The following COL12A1 variants were observed in gnomAD, a reference collection of about 807,000 sequenced individuals.
COL12A1 encodes collagen type XII alpha 1 chain.
COL12A1 carries 114 observed loss-of-function variants against 349.7 expected under a neutral mutation model. The observed-to-expected ratio is 0.33, with a 90% CI of 0.28 to 0.38. The LOEUF is 0.38. Among genes scored for constraint, COL12A1 ranks in the 10% least tolerant of loss-of-function variants. COL12A1 has a pLI of 1.00. For synonymous variants in COL12A1, 1,369 were observed against 1,329.0 expected (o/e 1.03, Z -0.66); for missense variants, 3,284 against 3,756.9 (o/e 0.87, Z 3.29).
At chr6:75,193,007 A>G (rs540688935) in intron 3 of COL12A1, among the ~76,000 whole-genome samples, 9 of 152,298 alleles carry the variant, frequency 5.9e-5, no homozygotes, top group African/African-American at 1.9e-4. Context: ...TTCAATCAGG[A>G]AACCTGGTGG....
intron 27 of COL12A1, among the ~76,000 whole-genome samples, chr6:75,141,201 G>GT (rs1229925313): frequency 8.5e-5 from 13 of 152,062 alleles, no homozygotes; most frequent in Admixed American, 1.3e-4. Context: ...AGGCCTCAAT[G>GT]TTTTTTTTAC....
chr6:75,131,885 C>G (rs1562183144), intron 35 of COL12A1, 55 bp downstream of exon 35: 1 of 1,595,042 alleles, frequency 6.3e-7, no homozygotes, highest in Non-Finnish European at 8.6e-7. Flanking sequence ...AAACGTGACA[C>G]AAACATGTGA....
At chr6:75,153,973 T>C (rs777686852) in intron 17 of COL12A1, among the ~76,000 whole-genome samples, 2 of 152,020 alleles carry the variant, frequency 1.3e-5, no homozygotes, top group African/African-American at 2.4e-5. Flanking sequence ...CGGTACAATA[T>C]CTACATTTAG....
chr6:75,141,986 G>A (rs916649017), intron 27 of COL12A1, 46 bp downstream of exon 27: 1 of 1,610,290 alleles, frequency 6.2e-7, no homozygotes. Flanking sequence ...ACACATGCAT[G>A]TAAAGTGTTG....
At chr6:75,194,412 G>A (rs976983422) in intron 3 of COL12A1, among the ~76,000 whole-genome samples, 1 of 152,090 alleles carries the variant, frequency 6.6e-6, no homozygotes, top group African/African-American at 2.4e-5. Context: ...ATCACAGAAT[G>A]GTGTTTCCTG....
At chr6:75,116,232 A>C (rs1582074296) in intron 47 of COL12A1, among the ~76,000 whole-genome samples, 175 bp from the exon 48 acceptor site, 1 of 152,308 alleles carries the variant, frequency 6.6e-6, no homozygotes, top group Middle Eastern at 3.4e-3. Context: ...TACGTGTAGG[A>C]GAAATACTAT....
chr6:75,109,101 CT>C lies in COL12A1; in HGVS notation c.8016del (p.Asp2673ThrfsTer8). On this transcript the variant is annotated frameshift_variant, in exon 52 of 66. Transcript: ENST00000322507. LOFTEE classifies it high-confidence loss of function. ...IYIDCYEIIEKDIKEAGNITT... is the reference protein window; with the variant it reads ...IYIDCYEIIEXDIKEAGNITT... ...GTTATATTTCCAGCTTCCTTGATGTCTTTTTCTATAATTTCATAGCAGTCAA... is the reference window on the plus strand; with the variant it reads ...GTTATATTTCCAGCTTCCTTGATGTCTTTTCTATAATTTCATAGCAGTCAA... 1 of 1,610,374 alleles carries C rather than the reference CT, an allele frequency of 6.2e-7. No homozygotes were observed. The highest frequency in any genetic ancestry group is 1.1e-5 in the South Asian group (1 of 90,830).
rs78601775 is a variant in COL12A1 at position 75,200,524 on chromosome 6, G to A, written c.73+2196C>T. Among the ~76,000 whole-genome samples the A allele has an allele frequency of 1.0e-3, 159 of 152,250 alleles. 3 individuals carry two copies. The East Asian group carries it at 0.027, about 26-fold the overall frequency. On this transcript the variant is annotated intron_variant, in intron 2 of 65. Coordinates refer to ENST00000322507, the MANE Select transcript of COL12A1 (RefSeq NM_004370.6). ...GGAGGCGGAGGCTGCAGTGAGCCGAGATCAAGCCACTACACTCCAGCCTGG... is the reference window on the plus strand; with the variant it reads ...GGAGGCGGAGGCTGCAGTGAGCCGAAATCAAGCCACTACACTCCAGCCTGG...
At chr6:75,202,941 C>G (rs1327339002) in intron 1 of COL12A1, 114 bp from the exon 2 acceptor site, 6 of 637,108 alleles carry the variant, frequency 9.4e-6, no homozygotes, top group Non-Finnish European at 1.6e-5. Flanking sequence ...TTAAAAACCA[C>G]AGGGCCTACT....
chr6:75,182,887 A>G (rs1191388621), intron 10 of COL12A1, among the ~76,000 whole-genome samples, 163 bp downstream of exon 10: 1 of 152,226 alleles, frequency 6.6e-6, no homozygotes, highest in East Asian at 1.9e-4. Flanking sequence ...GGAGAAAGTC[A>G]TATCTCAGAG....
chr6:75,134,144 G>GC, intron 32 of COL12A1, 147 bp from the exon 33 acceptor site: 1 of 845,398 alleles, frequency 1.2e-6, no homozygotes, highest in East Asian at 2.7e-5. Context: ...GACACACACT[G>GC]TGTCCGCGTC....
chr6:75,183,804 C>T (rs1329318380), intron 9 of COL12A1, 50 bp downstream of exon 9: 1 of 1,594,506 alleles, frequency 6.3e-7, no homozygotes, highest in East Asian at 2.2e-5. Flanking sequence ...GGCATTCTGT[C>T]AAACAGATCT....
chr6:75,171,966 G>A (rs953948989), intron 13 of COL12A1, among the ~76,000 whole-genome samples: 6 of 152,192 alleles, frequency 3.9e-5, no homozygotes, highest in Admixed American at 6.5e-5. Context: ...TGAACAAAAT[G>A]TCCATTGTAA....
chr6:75,107,891 C>T (rs1364821731), intron 52 of COL12A1, among the ~76,000 whole-genome samples: 1 of 152,230 alleles, frequency 6.6e-6, no homozygotes, highest in South Asian at 2.1e-4. Flanking sequence ...AATCAAAATT[C>T]TATTACATTT....
chr6:75,175,396 G>A (rs944786921), intron 12 of COL12A1, 86 bp from the exon 13 acceptor site: 27 of 1,438,574 alleles, frequency 1.9e-5, no homozygotes, highest in African/African-American at 7.1e-5. Flanking sequence ...TTATGCATGT[G>A]CACTACATCA....
Position 75,117,509 on chromosome 6 carries a change from G to A in COL12A1, c.7392C>T (p.Asp2464=). The A allele has an allele frequency of 6.2e-7, 1 of 1,613,600 alleles. No homozygotes were observed. The highest frequency in any genetic ancestry group is 1.1e-5 in the South Asian group (1 of 91,060). Residue 2464 remains aspartate (D), a synonymous_variant, in exon 47 of 66, where the codon GAC becomes GAT. Coordinates refer to ENST00000322507, the MANE Select transcript of COL12A1 (RefSeq NM_004370.6). ...SVFVVGVADV[D]YNELANIASK... Reference sequence around the variant, plus strand: ...TGGCAATGTTGGCAAGCTCATTGTAGTCGACATCAGCCACACCAACTACAA... The same window carrying A: ...TGGCAATGTTGGCAAGCTCATTGTAATCGACATCAGCCACACCAACTACAA...
intron 58 of COL12A1, among the ~76,000 whole-genome samples, chr6:75,098,488 TA>T (rs1018091898): frequency 2.0e-5 from 3 of 151,798 alleles, no homozygotes; most frequent in East Asian, 1.9e-4. Flanking sequence ...ACCCTGTCAC[TA>T]AAAAAAGTGA....
rs1765919273 is a variant in COL12A1 at position 75,124,511 on chromosome 6, C to T, written c.6608-140G>A. 4 of 571,850 alleles carry T rather than the reference C, an allele frequency of 7.0e-6. No individual in the cohort carries two copies. In the Admixed American group the frequency reaches 1.1e-4, roughly 15 times the overall value. 35.4% of individuals were successfully genotyped at this position (571,850 alleles called of 1,614,324 possible). On this transcript the variant is annotated intron_variant, in intron 40 of 65. Coordinates refer to ENST00000322507, the MANE Select transcript of COL12A1 (RefSeq NM_004370.6). ...ATTATGTTTCCTTATAAGAAACATA[C>T]ATGAATCATATTTAAAAATGTGGTA...
At chr6:75,092,680 A>G (rs1242715867) in intron 60 of COL12A1, among the ~76,000 whole-genome samples, 1 of 150,984 alleles carries the variant, frequency 6.6e-6, no homozygotes, top group Non-Finnish European at 1.5e-5. Flanking sequence ...CCTTCTCCCC[A>G]TTTTGCTACA....
Sources: gnomAD v4.1 joint callset for allele counts (sites outside exome capture counted in the v4.1 genomes callset) on GRCh38, gnomAD v4.1.1 for gene constraint, MANE v1.5 for transcripts, NCBI Gene and HGNC (gene_info 2026-07-23, HGNC 2026-07-21) for gene names.